Variants in TFB1M observed in about 807,000 individuals in gnomAD.
TFB1M encodes dimethyladenosine transferase 1, mitochondrial.
In TFB1M, 27 loss-of-function variants were observed where a neutral mutation model predicts 31.1. That is an observed-to-expected ratio of 0.87 (90% confidence interval 0.64 to 1.20). The LOEUF (loss-of-function observed/expected upper bound fraction) is 1.20. Ranked by LOEUF, TFB1M falls within the 50% of genes most tolerant of loss-of-function variation. The probability of loss-of-function intolerance (pLI) is 0.00; values close to 1 mark genes in which losing one functional copy is unlikely to be tolerated. For synonymous variants in TFB1M, 166 were observed against 151.8 expected (o/e 1.09, Z -0.69); for missense variants, 394 against 418.7 (o/e 0.94, Z 0.51).
At chr6:155,250,128 T>G in the TFB1M span, among the ~76,000 whole-genome samples, 1 of 152,290 alleles carries the variant, frequency 6.6e-6, no homozygotes, top group East Asian at 1.9e-4. Flanking sequence ...AATTTACATA[T>G]AGACATATCA....
chr6:155,256,925 G>A lies in TFB1M; in HGVS notation c.*911C>T, dbSNP rs1271575224. 3.7e-6 allele frequency: 6 copies of A among 1,614,164 alleles called. No individual in the cohort carries two copies. Among genetic ancestry groups the A allele is most frequent in the East Asian group, 2.2e-5 (1 of 44,870 alleles). On this transcript the variant is annotated 3_prime_UTR_variant, in exon 7 of 7. Coordinates refer to ENST00000367166, the MANE Select transcript of TFB1M (RefSeq NM_016020.4). Reference sequence around the variant, plus strand: ...CGGGGGCACTTCTGCCCCATTAAACGAAAAGCCAACAGCACCAAGAGGGAC... The same window carrying A: ...CGGGGGCACTTCTGCCCCATTAAACAAAAAGCCAACAGCACCAAGAGGGAC...
rs183846533 is a variant in TFB1M at position 155,286,637 on chromosome 6, A to G, written c.547-1360T>C. Among the ~76,000 whole-genome samples, 803 of 131,830 alleles carry G rather than the reference A, an allele frequency of 6.1e-3. 15 individuals are homozygous for G. Among genetic ancestry groups the G allele is most frequent in the African/African-American group, 0.021 (763 of 36,478 alleles). The allele number at this position is 131,830 out of a possible 152,430, so 86.5% of individuals were successfully genotyped here. A position where few individuals can be genotyped will look rare whatever the true frequency, so the allele number is the denominator to read the frequency against. ...TATATGTGTATATATGTGTGCATAT[A>G]TGTGTGTGTGTGTATATATATATGT... On this transcript the variant is annotated intron_variant, in intron 4 of 6. Transcript: ENST00000367166.
intron 1 of TFB1M, 184 bp downstream of exon 1, chr6:155,314,112 C>A: frequency 2.0e-6 from 3 of 1,478,352 alleles, no homozygotes; most frequent in South Asian, 2.7e-5. Context: ...GAGCAATCAA[C>A]GCACTTCACG....
intron 5 of TFB1M, among the ~76,000 whole-genome samples, chr6:155,277,952 A>G (rs1349816225): frequency 6.6e-6 from 1 of 152,226 alleles, no homozygotes; most frequent in East Asian, 1.9e-4. Flanking sequence ...TATATCTGCT[A>G]TATCATTCTA....
the TFB1M span, among the ~76,000 whole-genome samples, chr6:155,231,952 G>A: frequency 2.6e-5 from 4 of 152,214 alleles, no homozygotes; most frequent in South Asian, 4.2e-4. Flanking sequence ...TTGGTGGCAC[G>A]CACCTGTAAT....
At chr6:155,282,730 A>T (rs1020231230) in intron 5 of TFB1M, among the ~76,000 whole-genome samples, 4 of 151,750 alleles carry the variant, frequency 2.6e-5, no homozygotes, top group Non-Finnish European at 5.9e-5. Flanking sequence ...TGAGAAAATG[A>T]ATTTTTTTTT....
At chr6:155,292,998 TTTTA>T (rs1313122700) in intron 4 of TFB1M, among the ~76,000 whole-genome samples, 1 of 152,010 alleles carries the variant, frequency 6.6e-6, no homozygotes, top group Non-Finnish European at 1.5e-5. Context: ...CTGGCTAATT[TTTTA>T]TTTATTTTTT....
At chr6:155,241,410 G>T in the TFB1M span, among the ~76,000 whole-genome samples, 1 of 152,158 alleles carries the variant, frequency 6.6e-6, no homozygotes, top group Non-Finnish European at 1.5e-5. Context: ...CGGTGCGGTG[G>T]GCTGAGGGTC....
chr6:155,241,816 T>C, the TFB1M span, among the ~76,000 whole-genome samples: 1 of 152,198 alleles, frequency 6.6e-6, no homozygotes, highest in South Asian at 2.1e-4. Context: ...AAGTTCTGAA[T>C]AATCCCATCT....
At chr6:155,238,519 C>T in the TFB1M span, among the ~76,000 whole-genome samples, 3 of 152,240 alleles carry the variant, frequency 2.0e-5, no homozygotes, top group Non-Finnish European at 2.9e-5. Context: ...GTTCCCATGG[C>T]AGACATCTGT....
intron 3 of TFB1M, 38 bp from the exon 4 acceptor site, chr6:155,297,142 T>G (rs368169709): frequency 2.2e-5 from 35 of 1,598,276 alleles, no homozygotes; most frequent in Non-Finnish European, 2.9e-5. Flanking sequence ...AATGATTCCA[T>G]CAATATATTC....
chr6:155,262,541 G>C (rs947468796), intron 5 of TFB1M, among the ~76,000 whole-genome samples: 7 of 152,112 alleles, frequency 4.6e-5, no homozygotes, highest in African/African-American at 1.7e-4. Context: ...CAGTGACAAA[G>C]AGCCAATTCT....
chr6:155,309,072 G>C (rs1777908686), intron 2 of TFB1M, among the ~76,000 whole-genome samples: 1 of 152,086 alleles, frequency 6.6e-6, no homozygotes, highest in Non-Finnish European at 1.5e-5. Flanking sequence ...ATTTCCTCTA[G>C]AGTAATTTAA....
chr6:155,245,728 C>G, the TFB1M span: 1 of 1,506,944 alleles, frequency 6.6e-7, no homozygotes, highest in Non-Finnish European at 9.1e-7. Context: ...GGTTCTGGAG[C>G]GAGGTAAGTT....
rs776429433 is a variant in TFB1M, at chr6:155,275,959, G to A, written c.666+9199C>T. On this transcript the variant is annotated intron_variant, in intron 5 of 6. Transcript: ENST00000367166. ...CCCTCCCCATCCACGTGCAGGCTGCGAGAGCCACCATGGTCCTGGCGTGTG... is the reference window on the plus strand; with the variant it reads ...CCCTCCCCATCCACGTGCAGGCTGCAAGAGCCACCATGGTCCTGGCGTGTG... The A allele has an allele frequency of 8.7e-6, 14 of 1,614,038 alleles. 1 individual carries two copies. Among genetic ancestry groups the A allele is most frequent in the African/African-American group, 6.7e-5 (5 of 74,902 alleles).
chr6:155,271,355 G>A (rs1784906233), intron 5 of TFB1M, among the ~76,000 whole-genome samples: 2 of 152,086 alleles, frequency 1.3e-5, no homozygotes, highest in Non-Finnish European at 1.5e-5. Flanking sequence ...AGTCTTATCT[G>A]ATGTGTCTCA....
chr6:155,251,263 G>A (rs914060407), downstream of TFB1M, among the ~76,000 whole-genome samples: 4 of 152,250 alleles, frequency 2.6e-5, no homozygotes, highest in Middle Eastern at 3.4e-3. Flanking sequence ...AGATCCCTGC[G>A]GCTATTTTGA....
At chr6:155,305,817 T>A (rs1258140314) in intron 2 of TFB1M, among the ~76,000 whole-genome samples, 1 of 138,578 alleles carries the variant, frequency 7.2e-6, no homozygotes, top group Non-Finnish European at 1.5e-5. Flanking sequence ...TGGCAAATAT[T>A]TTAAAAATAA....
chr6:155,239,189 T>C, the TFB1M span, among the ~76,000 whole-genome samples: 1 of 152,200 alleles, frequency 6.6e-6, no homozygotes, highest in Non-Finnish European at 1.5e-5. Flanking sequence ...CAGAGATGGA[T>C]AGAGGTCAGG....
Sources: allele counts gnomAD v4.1 joint callset (sites outside exome capture counted in the v4.1 genomes callset), GRCh38; gene constraint gnomAD v4.1.1; transcripts MANE v1.5; gene names NCBI Gene and HGNC (gene_info 2026-07-23, HGNC 2026-07-21).